PGCKA1: variants seen among roughly 807,000 people sequenced by gnomAD.
PGCKA1 encodes the protein PDCD10 and GCKIII kinases-associated protein 1.
the PGCKA1 span, among the ~76,000 whole-genome samples, chr4:37,465,975 C>A: frequency 6.6e-6 from 1 of 152,176 alleles, no homozygotes; most frequent in East Asian, 1.9e-4. Context: ...ACTGAATGAG[C>A]CATTTCTCAG....
At chr4:37,493,335 A>T in the PGCKA1 span, among the ~76,000 whole-genome samples, 2 of 152,324 alleles carry the variant, frequency 1.3e-5, no homozygotes, top group African/African-American at 2.4e-5. Flanking sequence ...AATATTTTTT[A>T]AAATTATCAT....
chr4:37,482,630 A>G, the PGCKA1 span, among the ~76,000 whole-genome samples: 1 of 152,218 alleles, frequency 6.6e-6, no homozygotes, highest in African/African-American at 2.4e-5. Context: ...AAATTTGCAT[A>G]AATAATAAGG....
At chr4:37,532,388 C>T in the PGCKA1 span, among the ~76,000 whole-genome samples, 4 of 152,214 alleles carry the variant, frequency 2.6e-5, no homozygotes, top group East Asian at 7.7e-4. Flanking sequence ...AAATGTGAAC[C>T]AGCATTCATG....
chr4:37,589,750 G>A, the PGCKA1 span, among the ~76,000 whole-genome samples: 2 of 152,096 alleles, frequency 1.3e-5, no homozygotes, highest in East Asian at 1.9e-4. Flanking sequence ...TCCTATCTCA[G>A]CCTCCCGAGT....
At chr4:37,545,700 T>C in the PGCKA1 span, among the ~76,000 whole-genome samples, 1 of 152,224 alleles carries the variant, frequency 6.6e-6, no homozygotes, top group African/African-American at 2.4e-5. Context: ...ATCACCTTTC[T>C]GTTGTCATCC....
At chr4:37,572,238 AT>A in the PGCKA1 span, among the ~76,000 whole-genome samples, 85 of 145,760 alleles carry the variant, frequency 5.8e-4, no homozygotes, top group South Asian at 0.018. Flanking sequence ...AATTTTTTGT[AT>A]TTTTTTTTAG....
At chr4:37,510,917 A>G in the PGCKA1 span, among the ~76,000 whole-genome samples, 1 of 151,718 alleles carries the variant, frequency 6.6e-6, no homozygotes, top group Non-Finnish European at 1.5e-5. Flanking sequence ...ACTCAAACCA[A>G]GTCACACAGC....
At chr4:37,502,090 G>A in the PGCKA1 span, among the ~76,000 whole-genome samples, 51 of 152,308 alleles carry the variant, frequency 3.3e-4, no homozygotes, top group African/African-American at 1.0e-3. Context: ...GAAACCACTG[G>A]GCTGAGGGAG....
chr4:37,592,035 T>C, the PGCKA1 span, among the ~76,000 whole-genome samples: 17 of 152,006 alleles, frequency 1.1e-4, no homozygotes, highest in African/African-American at 4.1e-4. Context: ...AGTGAAACCC[T>C]GTCTCTACTA....
At chr4:37,472,050 G>A in the PGCKA1 span, among the ~76,000 whole-genome samples, 4 of 152,156 alleles carry the variant, frequency 2.6e-5, no homozygotes, top group African/African-American at 9.7e-5. Flanking sequence ...CGTCTGGGCT[G>A]GTTCCTGGAG....
chr4:37,544,483 G>A, the PGCKA1 span, among the ~76,000 whole-genome samples: 50,504 of 149,798 alleles, frequency 0.34, 8,862 homozygotes, highest in Middle Eastern at 0.43. Flanking sequence ...TTTGGATACT[G>A]GATGTCCTGG....
chr4:37,465,201 C>T, the PGCKA1 span, among the ~76,000 whole-genome samples: 6 of 151,372 alleles, frequency 4.0e-5, no homozygotes, highest in Non-Finnish European at 7.4e-5. Flanking sequence ...CTGGAGGGCC[C>T]ATTCCAATTA....
the PGCKA1 span, among the ~76,000 whole-genome samples, chr4:37,507,923 A>G: frequency 0.016 from 2,436 of 152,164 alleles, 55 homozygotes; most frequent in East Asian, 0.061. Context: ...TTTCTTCTTC[A>G]TGTTTGAAGG....
chr4:37,463,236 G>A, the PGCKA1 span, among the ~76,000 whole-genome samples: 1 of 151,918 alleles, frequency 6.6e-6, no homozygotes, highest in South Asian at 2.1e-4. Flanking sequence ...GTGTAGGGAA[G>A]TTGAAAGAGT....
chr4:37,581,871 G>A, the PGCKA1 span, among the ~76,000 whole-genome samples: 15 of 152,254 alleles, frequency 9.9e-5, no homozygotes, highest in South Asian at 6.2e-4. The surrounding 1 kb of genome is among the most constrained non-coding windows in gnomAD (Gnocchi z 4.4). Context: ...TAGGATTGCA[G>A]AGCACTTTAG....
chr4:37,487,461 T>G, the PGCKA1 span, among the ~76,000 whole-genome samples: 1 of 152,204 alleles, frequency 6.6e-6, no homozygotes. Context: ...GCATTAACTG[T>G]AAGTTTTTTT....
At chr4:37,556,408 C>T in the PGCKA1 span, among the ~76,000 whole-genome samples, 67,504 of 151,732 alleles carry the variant, frequency 0.44, 15,376 homozygotes, top group African/African-American at 0.53. Flanking sequence ...GCTGGGATTA[C>T]AGGCACCTGC....
At chr4:37,528,482 G>T in the PGCKA1 span, among the ~76,000 whole-genome samples, 11 of 152,242 alleles carry the variant, frequency 7.2e-5, no homozygotes, top group Admixed American at 3.3e-4. Flanking sequence ...TTTTAGCCTT[G>T]GGATGACAAG....
At chr4:37,574,555 G>A in the PGCKA1 span, among the ~76,000 whole-genome samples, 4 of 152,084 alleles carry the variant, frequency 2.6e-5, no homozygotes, top group African/African-American at 9.7e-5. Flanking sequence ...TCATATCCAG[G>A]TAAATGGGAT....
Sources: gnomAD v4.1 joint callset for allele counts (sites outside exome capture counted in the v4.1 genomes callset) on GRCh38, gnomAD v4.1.1 for gene constraint, Gnocchi (gnomAD v3.1) non-coding constraint, MANE v1.5 for transcripts, NCBI Gene and HGNC (gene_info 2026-07-23, HGNC 2026-07-21) for gene names.